Variants in CDH13 observed in about 807,000 individuals in gnomAD.
CDH13 encodes the protein cadherin 13.
A neutral mutation model predicts 63.8 loss-of-function variants in CDH13; 24 were observed. That is an observed-to-expected ratio of 0.38 (90% CI 0.27 to 0.53). The LOEUF (loss-of-function observed/expected upper bound fraction) is 0.53. CDH13 is among the 20% of genes least tolerant of loss of function. CDH13 has a pLI of 0.85. For synonymous variants in CDH13, 503 were observed against 355.3 expected (o/e 1.42, Z -4.67); for missense variants, 1,049 against 903.1 (o/e 1.16, Z -2.07).
chr16:82,890,210 A>C (rs1279320121), intron 2 of CDH13, among the ~76,000 whole-genome samples: 1 of 152,228 alleles, frequency 6.6e-6, no homozygotes, highest in Non-Finnish European at 1.5e-5. Context: ...TTAACATGGA[A>C]AATTAATGAC....
At chr16:83,680,145 G>A (rs1915288481) in intron 10 of CDH13, among the ~76,000 whole-genome samples, 1 of 152,218 alleles carries the variant, frequency 6.6e-6, no homozygotes, top group Non-Finnish European at 1.5e-5. Context: ...GCATCCTTCA[G>A]GCTCTAGGTC....
chr16:83,505,296 C>A (rs1015001519), intron 7 of CDH13, among the ~76,000 whole-genome samples: 5 of 152,174 alleles, frequency 3.3e-5, no homozygotes, highest in Non-Finnish European at 5.9e-5. Context: ...AAGGATAATT[C>A]AATCTATCCT....
At chr16:82,865,727 A>C (rs1190831560) in intron 2 of CDH13, among the ~76,000 whole-genome samples, 1 of 152,160 alleles carries the variant, frequency 6.6e-6, no homozygotes, top group African/African-American at 2.4e-5. Flanking sequence ...CTGTTACACC[A>C]TTGACTTGGC....
chr16:83,307,493 G>C (rs1199090753), intron 5 of CDH13, among the ~76,000 whole-genome samples: 2 of 152,110 alleles, frequency 1.3e-5, no homozygotes, highest in Non-Finnish European at 2.9e-5. Flanking sequence ...TTCTGAAGTA[G>C]CTCTCACCTC....
At chr16:83,334,318 C>G (rs1450711014) in intron 5 of CDH13, among the ~76,000 whole-genome samples, 1 of 148,678 alleles carries the variant, frequency 6.7e-6, no homozygotes, top group African/African-American at 2.5e-5. Context: ...CCCTCTCTCC[C>G]TATCTCCCTC....
intron 10 of CDH13, among the ~76,000 whole-genome samples, chr16:83,719,061 C>T (rs1598574118): frequency 6.6e-6 from 1 of 152,296 alleles, no homozygotes; most frequent in Admixed American, 6.5e-5. Flanking sequence ...GCTTCCAGGG[C>T]ACCCTCAATG....
Position 83,438,465 on chromosome 16 carries a change from G to A in CDH13, c.782-48012G>A, listed in dbSNP as rs140503493. On this transcript the variant is annotated intron_variant, in intron 6 of 13. Coordinates refer to ENST00000567109, the MANE Select transcript of CDH13 (RefSeq NM_001257.5). The stretch of plus-strand genomic sequence containing the variant: ...GACAATAGCACCTAGGGCAGGGCCC[G>A]GTCACAGTTGTCTCTTCATAACATT... Among the ~76,000 whole-genome samples the A allele has an allele frequency of 2.7e-3, 414 of 152,280 alleles. 5 individuals carry two copies. The highest frequency in any genetic ancestry group is 0.021 in the Admixed American group (326 of 15,294).
At chr16:83,018,358 C>T (rs918037050) in intron 2 of CDH13, among the ~76,000 whole-genome samples, 2 of 152,176 alleles carry the variant, frequency 1.3e-5, no homozygotes, top group Non-Finnish European at 2.9e-5. Context: ...TCCCTTACTG[C>T]CTACTGTCTT....
intron 2 of CDH13, among the ~76,000 whole-genome samples, chr16:82,877,223 A>C (rs931866344): frequency 6.6e-6 from 1 of 152,234 alleles, no homozygotes; most frequent in African/African-American, 2.4e-5. Context: ...ATTGTTAGAC[A>C]TAGCAAGATG....
chr16:83,201,991 C>T (rs981998573), intron 4 of CDH13, among the ~76,000 whole-genome samples: 1 of 152,104 alleles, frequency 6.6e-6, no homozygotes, highest in African/African-American at 2.4e-5. Flanking sequence ...CATGTTTGAG[C>T]CTGCATGGGA....
chr16:82,643,397 C>T (rs931361242), intron 1 of CDH13, among the ~76,000 whole-genome samples: 4 of 152,168 alleles, frequency 2.6e-5, no homozygotes, highest in African/African-American at 9.7e-5. Flanking sequence ...CCCCATTGTC[C>T]ACCCTACTGA....
intron 8 of CDH13, among the ~76,000 whole-genome samples, chr16:83,616,395 C>T (rs117100768): frequency 0.015 from 2,232 of 151,956 alleles, 28 homozygotes; most frequent in Non-Finnish European, 0.024. Context: ...CCTGTGTGAA[C>T]CTCTATGCGA....
intron 10 of CDH13, among the ~76,000 whole-genome samples, chr16:83,688,724 G>A (rs532988434): frequency 2.4e-4 from 36 of 152,120 alleles, no homozygotes; most frequent in African/African-American, 7.7e-4. Flanking sequence ...TAATTAAAGC[G>A]GTGTTGTTCC....
At chr16:83,512,748 C>G (rs1448627093) in intron 7 of CDH13, among the ~76,000 whole-genome samples, 2 of 152,084 alleles carry the variant, frequency 1.3e-5, no homozygotes, top group African/African-American at 4.8e-5. Context: ...CATGAGCTTT[C>G]ACAGGGGCAC....
intron 3 of CDH13, among the ~76,000 whole-genome samples, chr16:83,039,084 T>C (rs1434538398): frequency 6.6e-6 from 1 of 152,198 alleles, no homozygotes; most frequent in Non-Finnish European, 1.5e-5. Context: ...CTGGTCCTTA[T>C]GAACAAAGCA....
chr16:83,421,115 C>T (rs2071701951), intron 6 of CDH13, among the ~76,000 whole-genome samples: 1 of 152,090 alleles, frequency 6.6e-6, no homozygotes, highest in South Asian at 2.1e-4. Context: ...AGAACAAGGG[C>T]TACATCTAGA....
chr16:83,309,990 G>A (rs1435673998), intron 5 of CDH13, among the ~76,000 whole-genome samples: 2 of 152,102 alleles, frequency 1.3e-5, no homozygotes, highest in Non-Finnish European at 2.9e-5. Context: ...TCAGATGAGT[G>A]GGTACAAAAG....
intron 2 of CDH13, chr16:83,023,098 G>A (rs1488486340): frequency 3.3e-5 from 5 of 152,124 alleles, no homozygotes; most frequent in Non-Finnish European, 5.9e-5. Context: ...AATCAAGGTC[G>A]GGAAGATTAA....
At chr16:82,699,749 A>G (rs1021690665) in intron 1 of CDH13, among the ~76,000 whole-genome samples, 1 of 151,974 alleles carries the variant, frequency 6.6e-6, no homozygotes, top group African/African-American at 2.4e-5. Context: ...ACAGTGCCAC[A>G]GAACAAACGT....
Sources: allele counts gnomAD v4.1 joint callset (sites outside exome capture counted in the v4.1 genomes callset), GRCh38; gene constraint gnomAD v4.1.1; transcripts MANE v1.5; gene names NCBI Gene and HGNC (gene_info 2026-07-23, HGNC 2026-07-21).